SOD3: variants seen among roughly 807,000 people sequenced by gnomAD.
SOD3 encodes superoxide dismutase 3.
Under a neutral mutation model 2.6 loss-of-function variants are expected in SOD3, and 3 were observed. That is an observed-to-expected ratio of 1.13 (90% CI 0.52 to 2.93). The LOEUF is 2.93. Among genes scored for constraint, SOD3 ranks in the 30% most tolerant of loss-of-function variants. The pLI is 0.04. For missense variants in SOD3, 379 were observed against 370.4 expected (o/e 1.02, Z -0.19); for synonymous variants, 188 against 177.5 (o/e 1.06, Z -0.47).
rs1395678916 is a variant in SOD3 at position 24,800,577 on chromosome 4, T to C, written c.*333T>C. 9.3e-6 allele frequency: 2 copies of C among 214,698 alleles called. No individual in the cohort carries two copies. The highest frequency in any genetic ancestry group is 2.0e-5 in the Non-Finnish European group (2 of 99,798). The allele number at this position is 214,698 out of a possible 1,614,324, so 13.3% of individuals were successfully genotyped here. ...TTCCCCACCCCATAAGCCCTGAGAC[T>C]CCCGCCTTTGACCTGACGATCTTCC... is the stretch of plus-strand genomic sequence containing the variant. On this transcript the variant is annotated 3_prime_UTR_variant, in exon 2 of 2. Coordinates refer to ENST00000382120, the MANE Select transcript of SOD3 (RefSeq NM_003102.4).
rs1469633285 is a variant in SOD3, at chr4:24,799,676, G to A, written c.155G>A (p.Arg52Gln). The stretch of plus-strand genomic sequence containing the variant: ...GAGATCTGGCAGGAGGTCATGCAGC[G>A]GCGGGACGACGACGGCGCGCTCCAC... ...VTEIWQEVMQRRDDDGALHAA... is the reference protein window; with the variant it reads ...VTEIWQEVMQQRDDDGALHAA... Residue 52 changes from arginine to glutamine, a missense_variant, in exon 2 of 2, where the codon CGG becomes CAG. Physicochemically the swap from Arg to Gln is conservative, Grantham distance 43 (BLOSUM62 1). Coordinates refer to ENST00000382120, the MANE Select transcript of SOD3 (RefSeq NM_003102.4). 6 of 1,595,226 alleles carry A rather than the reference G, an allele frequency of 3.8e-6. No individual in the cohort carries two copies. Among genetic ancestry groups the A allele is most frequent in the Non-Finnish European group, 5.1e-6 (6 of 1,174,280 alleles).
At chr4:24,797,617 A>G (rs762189627) in intron 1 of SOD3, among the ~76,000 whole-genome samples, 1 of 152,206 alleles carries the variant, frequency 6.6e-6, no homozygotes, top group Non-Finnish European at 1.5e-5. Flanking sequence ...CAGTCCAGCA[A>G]TTACTCTGCT....
Position 24,799,789 on chromosome 4 carries a change from C to G in SOD3, c.268C>G (p.Arg90Gly), listed in dbSNP as rs753927993. 5 of 1,585,060 alleles carry G rather than the reference C, an allele frequency of 3.2e-6. No individual in the cohort carries two copies. Among genetic ancestry groups the G allele is most frequent in the Non-Finnish European group, 4.3e-6 (5 of 1,172,244 alleles). ...CGTCCTCTTCCGGCAGCTTGCGCCC[C>G]GCGCCAAGCTCGACGCCTTCTTCGC... ...GVVLFRQLAP[R>G]AKLDAFFALE... Residue 90 changes from arginine to glycine, a missense_variant, in exon 2 of 2, where the codon CGC becomes GGC. Coordinates refer to ENST00000382120, the MANE Select transcript of SOD3 (RefSeq NM_003102.4).
At chr4:24,797,052 A>C (rs1713686787) in intron 1 of SOD3, among the ~76,000 whole-genome samples, 1 of 152,144 alleles carries the variant, frequency 6.6e-6, no homozygotes, top group Non-Finnish European at 1.5e-5. Flanking sequence ...TGAGTCCTTC[A>C]ACATCACTTT....
chr4:24,800,179 C>A lies in SOD3; in HGVS notation c.658C>A (p.Arg220Ser). ...CGTGTGCGGGCCCGGGCTCTGGGAG[C>A]GCCAGGCGCGGGAGCACTCAGAGCG... ...VGVCGPGLWERQAREHSERKK... is the reference protein window; with the variant it reads ...VGVCGPGLWESQAREHSERKK... Residue 220 changes from arginine (R) to serine (S), a missense_variant, in exon 2 of 2, where the codon CGC becomes AGC. Physicochemically the swap from Arg to Ser is moderately radical, Grantham distance 110 (BLOSUM62 -1). Coordinates refer to ENST00000382120, the MANE Select transcript of SOD3 (RefSeq NM_003102.4). 1.4e-6 allele frequency: 2 copies of A among 1,421,948 alleles called. No homozygotes were observed. Among genetic ancestry groups the A allele is most frequent in the Non-Finnish European group, 1.8e-6 (2 of 1,095,656 alleles). The allele number at this position is 1,421,948 out of a possible 1,614,324, so 88.1% of individuals were successfully genotyped here.
intron 1 of SOD3, among the ~76,000 whole-genome samples, chr4:24,796,231 C>G (rs894502120): frequency 6.6e-6 from 1 of 152,180 alleles, no homozygotes; most frequent in South Asian, 2.1e-4. Flanking sequence ...ACACCGTCCT[C>G]CCTTCCAGAT....
Position 24,799,511 on chromosome 4 carries a change from C to A in SOD3, c.-11C>A. 1 of 1,597,154 alleles carries A rather than the reference C, an allele frequency of 6.3e-7. No homozygotes were observed. The highest frequency in any genetic ancestry group is 8.5e-7 in the Non-Finnish European group (1 of 1,178,616). ...TCCGCGGGGGCGTCCCGCAGGTGCC[C>A]GACTCCAGCCATGCTGGCGCTACTG... On this transcript the variant is annotated 5_prime_UTR_variant, in exon 2 of 2. Coordinates refer to ENST00000382120, the MANE Select transcript of SOD3 (RefSeq NM_003102.4).
chr4:24,796,531 A>C (rs532075370), intron 1 of SOD3, among the ~76,000 whole-genome samples: 1 of 132,822 alleles, frequency 7.5e-6, no homozygotes, highest in South Asian at 2.4e-4. Flanking sequence ...ATCACGGCTC[A>C]CTACAGCCTC....
rs17883786 is a variant in SOD3, at chr4:24,797,390, T to TG, written c.-17+1743dup. Among the ~76,000 whole-genome samples the TG allele has an allele frequency of 2.2e-3, 335 of 152,346 alleles. 1 individual carries two copies. Among genetic ancestry groups the TG allele is most frequent in the African/African-American group, 7.7e-3 (319 of 41,584 alleles). On this transcript the variant is annotated intron_variant, in intron 1 of 1. Coordinates refer to ENST00000382120, the MANE Select transcript of SOD3 (RefSeq NM_003102.4). ...TGCCTCAGTTTCCTACACTTTAGAA[T>TG]GGGGATAACACTGAATAATGTTCTT...
At chr4:24,796,657 T>G (rs1577362012) in intron 1 of SOD3, among the ~76,000 whole-genome samples, 1 of 147,282 alleles carries the variant, frequency 6.8e-6, no homozygotes, top group East Asian at 2.0e-4. Flanking sequence ...GATGGGGGTC[T>G]CTACCAGGTT....
chr4:24,798,022 T>C (rs935069096), intron 1 of SOD3, among the ~76,000 whole-genome samples: 1 of 152,240 alleles, frequency 6.6e-6, no homozygotes, highest in Non-Finnish European at 1.5e-5. Flanking sequence ...GAATCTTTGA[T>C]AGAGGTGTCT....
chr4:24,799,977 C>A lies in SOD3; in HGVS notation c.456C>A (p.Arg152=). 1 of 1,584,168 alleles carries A rather than the reference C, an allele frequency of 6.3e-7. No individual in the cohort carries two copies. The highest frequency in any genetic ancestry group is 8.5e-7 in the Non-Finnish European group (1 of 1,173,388). The change falls in exon 2 of 2, where the codon CGC becomes CGA. Residue 152 remains arginine (R), a synonymous_variant. Transcript: ENST00000382120. ...HPGDFGNFAV[R]DGSLWRYRAG... ...GCGACTTCGGCAACTTCGCGGTCCGCGACGGCAGCCTCTGGAGGTACCGCG... is the reference window on the plus strand; with the variant it reads ...GCGACTTCGGCAACTTCGCGGTCCGAGACGGCAGCCTCTGGAGGTACCGCG...
In SOD3 at chr4:24,799,614, G is replaced by A. The variant is rs11544040; in HGVS notation, c.93G>A (p.Ser31=). ...ACTCGGCGGAGCCCAACTCTGACTCGGCGGAGTGGATCCGAGACATGTACG... is the reference window on the plus strand; with the variant it reads ...ACTCGGCGGAGCCCAACTCTGACTCAGCGGAGTGGATCCGAGACATGTACG... The part of the protein sequence containing the change: ...GEDSAEPNSD[S]AEWIRDMYAK... The change falls in exon 2 of 2, where the codon TCG becomes TCA. Residue 31 remains serine (S), a synonymous_variant. Transcript: ENST00000382120. The A allele has an allele frequency of 1.1e-3, 1,712 of 1,604,654 alleles. 15 individuals are homozygous for A. In the African/African-American group the frequency reaches 0.018, roughly 17 times the overall value.
In SOD3 at chr4:24,800,105, G is replaced by C. The variant is rs1400893707; in HGVS notation, c.584G>C (p.Ser195Thr). The change falls in exon 2 of 2, where the codon AGC (serine) becomes ACC (threonine). Residue 195 changes from serine (S) to threonine (T), a missense_variant. Ser to Thr is a moderately conservative substitution (Grantham distance 58). Coordinates refer to ENST00000382120, the MANE Select transcript of SOD3 (RefSeq NM_003102.4). Reference sequence around the variant, plus strand: ...CTGGGCCGCGGCGGCAACCAGGCCAGCGTGGAGAACGGGAACGCGGGCCGG... The same window carrying C: ...CTGGGCCGCGGCGGCAACCAGGCCACCGTGGAGAACGGGAACGCGGGCCGG... ...DDLGRGGNQASVENGNAGRRL... is the reference protein window; with the variant it reads ...DDLGRGGNQATVENGNAGRRL... The C allele has an allele frequency of 2.9e-6, 4 of 1,388,982 alleles. No homozygotes were observed. The highest frequency in any genetic ancestry group is 4.7e-4 in the Middle Eastern group (2 of 4,292). The allele number at this position is 1,388,982 out of a possible 1,614,324, so 86.0% of individuals were successfully genotyped here. A position where few individuals can be genotyped will look rare whatever the true frequency, so the allele number is the denominator to read the frequency against.
intron 1 of SOD3, among the ~76,000 whole-genome samples, chr4:24,797,215 T>C (rs902881065): frequency 6.6e-6 from 1 of 152,234 alleles, no homozygotes; most frequent in Non-Finnish European, 1.5e-5. Context: ...CTGGGAACTT[T>C]CTATGTACTG....
chr4:24,799,249 G>C (rs1035372050), intron 1 of SOD3, among the ~76,000 whole-genome samples: 10 of 152,122 alleles, frequency 6.6e-5, no homozygotes, highest in Admixed American at 6.5e-4. Context: ...TGGAGAGGAC[G>C]ATGATCATTT....
rs372884400 is a variant in SOD3, at chr4:24,799,833, C to A, written c.312C>A (p.Thr104=). ...TCTTCGCCCTGGAGGGCTTCCCGACCGAGCCGAACAGCTCCAGCCGCGCCA... is the reference window on the plus strand; with the variant it reads ...TCTTCGCCCTGGAGGGCTTCCCGACAGAGCCGAACAGCTCCAGCCGCGCCA... The part of the protein sequence containing the change: ...DAFFALEGFP[T]EPNSSSRAIH... Residue 104 remains threonine (T), a synonymous_variant, in exon 2 of 2, where the codon ACC becomes ACA. Transcript: ENST00000382120. 3.1e-6 allele frequency: 5 copies of A among 1,600,928 alleles called. No individual in the cohort carries two copies. The highest frequency in any genetic ancestry group is 1.3e-5 in the African/African-American group (1 of 74,830).
In SOD3 at chr4:24,800,267, G is replaced by A; in HGVS notation, c.*23G>A. 2.2e-6 allele frequency: 3 copies of A among 1,378,666 alleles called. No homozygotes were observed. Among genetic ancestry groups the A allele is most frequent in the Non-Finnish European group, 9.4e-7 (1 of 1,069,494 alleles). 85.4% of individuals were successfully genotyped at this position (1,378,666 alleles called of 1,614,324 possible). On this transcript the variant is annotated 3_prime_UTR_variant, in exon 2 of 2. Coordinates refer to ENST00000382120, the MANE Select transcript of SOD3 (RefSeq NM_003102.4). ...TGAGCGCGGCCCCCACCCGGCGGCG[G>A]CCAGGGACCCCCGAGGCCCCCCTCT...
chr4:24,796,203 TGTCCTCTTTCTCTGATAACACC>T (rs17880477), intron 1 of SOD3, among the ~76,000 whole-genome samples: 1 of 152,174 alleles, frequency 6.6e-6, no homozygotes, highest in Non-Finnish European at 1.5e-5. Flanking sequence ...CTGATAACAC[TGTCCTCTTTCTCTGATAACACC>T]GTCCTCCCTT....
Sources: allele counts gnomAD v4.1 joint callset (sites outside exome capture counted in the v4.1 genomes callset), GRCh38; gene constraint gnomAD v4.1.1; transcripts MANE v1.5; gene names NCBI Gene and HGNC (gene_info 2026-07-23, HGNC 2026-07-21).